Variants in MORC1 observed in about 807,000 individuals in gnomAD.
MORC1 encodes the protein MORC family CW-type zinc finger protein 1.
A neutral mutation model predicts 134.9 loss-of-function variants in MORC1; 59 were observed. The ratio of observed to expected loss-of-function variants is 0.44; its 90% CI spans 0.35 to 0.54. MORC1 has a LOEUF of 0.54. Among genes scored for constraint, MORC1 ranks in the 20% least tolerant of loss-of-function variants. The pLI is 0.00. For synonymous variants in MORC1, 395 were observed against 391.7 expected, an observed-to-expected ratio of 1.01 and a Z score of -0.10; for missense variants, 947 against 1,134.5, an observed-to-expected ratio of 0.83 and a Z score of 2.37.
At chr3:108,985,682 C>A (rs2107466792) in intron 22 of MORC1, among the ~76,000 whole-genome samples, 1 of 152,258 alleles carries the variant, frequency 6.6e-6, no homozygotes, top group East Asian at 1.9e-4. Flanking sequence ...AAATAATAGT[C>A]ATTTGAAAAC....
chr3:109,106,682 A>T (rs1348662992), intron 3 of MORC1, among the ~76,000 whole-genome samples: 1 of 152,106 alleles, frequency 6.6e-6, no homozygotes, highest in Non-Finnish European at 1.5e-5. Flanking sequence ...TCACACGGGC[A>T]ACCATCTGGT....
chr3:109,054,978 A>G, intron 13 of MORC1, 96 bp from the exon 14 acceptor site: 1 of 1,153,456 alleles, frequency 8.7e-7, no homozygotes, highest in Non-Finnish European at 1.2e-6. Flanking sequence ...TTTTTCAAAA[A>G]TAAATTCATT....
chr3:109,022,033 T>C (rs1258722375), intron 17 of MORC1, among the ~76,000 whole-genome samples: 1 of 152,194 alleles, frequency 6.6e-6, no homozygotes, highest in Non-Finnish European at 1.5e-5. Flanking sequence ...ATTATCCCTC[T>C]TCGAAAAGCA....
At chr3:109,044,140 TAGA>T (rs1185624823) in intron 14 of MORC1, among the ~76,000 whole-genome samples, 11 of 152,184 alleles carry the variant, frequency 7.2e-5, no homozygotes, top group African/African-American at 1.9e-4. Flanking sequence ...TCTCAATTTC[TAGA>T]AGAAGTATCT....
chr3:109,050,651 T>G (rs1380640969), intron 14 of MORC1, among the ~76,000 whole-genome samples: 1 of 152,190 alleles, frequency 6.6e-6, no homozygotes, highest in African/African-American at 2.4e-5. Flanking sequence ...CATGTCTGAT[T>G]TGTTGGTCCT....
At chr3:108,987,207 T>C (rs1186854751) in intron 21 of MORC1, among the ~76,000 whole-genome samples, 1 of 152,212 alleles carries the variant, frequency 6.6e-6, no homozygotes, top group Non-Finnish European at 1.5e-5. Flanking sequence ...TTTCTACTAA[T>C]ATTTGTGCAG....
intron 14 of MORC1, among the ~76,000 whole-genome samples, chr3:109,044,951 A>C (rs1324639966): frequency 6.6e-6 from 1 of 150,932 alleles, no homozygotes; most frequent in Non-Finnish European, 1.5e-5. Context: ...TCTCAAAAAA[A>C]AAAAAAAAAG....
At chr3:108,978,684 G>A (rs375550338) in intron 24 of MORC1, among the ~76,000 whole-genome samples, 10 of 152,160 alleles carry the variant, frequency 6.6e-5, no homozygotes, top group African/African-American at 2.4e-4. Context: ...TGCTTCTACT[G>A]TTTGAGAACT....
In MORC1 at chr3:108,977,978, C is replaced by G. The variant is rs146585207; in HGVS notation, c.2477+1537G>C. Among the ~76,000 whole-genome samples, 781 of 152,170 alleles carry G rather than the reference C, an allele frequency of 5.1e-3. 18 individuals are homozygous for G. Among genetic ancestry groups the G allele is most frequent in the African/African-American group, 0.018 (752 of 41,512 alleles). ...CTGCAAGCTCCGCCTCCCGGGTTCACGCCATTCTCCTGCCTCAGCCTCCCT... is the reference window on the plus strand; with the variant it reads ...CTGCAAGCTCCGCCTCCCGGGTTCAGGCCATTCTCCTGCCTCAGCCTCCCT... On this transcript the variant is annotated intron_variant, in intron 24 of 27. Transcript: ENST00000232603.
chr3:109,068,831 T>A (rs1576705997), intron 9 of MORC1, among the ~76,000 whole-genome samples: 1 of 152,168 alleles, frequency 6.6e-6, no homozygotes, highest in East Asian at 1.9e-4. Flanking sequence ...AAAATGGATA[T>A]TATAATATGT....
intron 26 of MORC1, among the ~76,000 whole-genome samples, chr3:108,968,955 GT>G (rs11369467): frequency 3.1e-4 from 46 of 147,570 alleles, no homozygotes; most frequent in East Asian, 1.2e-3. Flanking sequence ...GAGTACCAGG[GT>G]TTTTTTTTTT....
At chr3:109,051,297 A>T (rs548676237) in intron 14 of MORC1, among the ~76,000 whole-genome samples, 28 of 152,224 alleles carry the variant, frequency 1.8e-4, no homozygotes, top group Non-Finnish European at 4.0e-4. Context: ...ACTTTCAGCA[A>T]ATATTAAGAC....
chr3:109,037,927 G>A (rs1266436090), intron 14 of MORC1, among the ~76,000 whole-genome samples: 1 of 152,138 alleles, frequency 6.6e-6, no homozygotes. Flanking sequence ...CTTTATAGCA[G>A]CATGATTTCT....
intron 14 of MORC1, among the ~76,000 whole-genome samples, chr3:109,040,394 G>GAAAT (rs1949486331): frequency 1.6e-5 from 1 of 63,072 alleles, no homozygotes; most frequent in African/African-American, 5.4e-5. Context: ...AAGAAAGAAA[G>GAAAT]AAAGAAAGAG....
intron 13 of MORC1, among the ~76,000 whole-genome samples, chr3:109,056,329 G>A (rs1203557110): frequency 6.6e-6 from 1 of 152,188 alleles, no homozygotes; most frequent in Admixed American, 6.5e-5. Flanking sequence ...CCGGGTTCAT[G>A]CCATTCTCCT....
intron 17 of MORC1, among the ~76,000 whole-genome samples, chr3:109,012,276 C>T (rs115402576): frequency 0.017 from 2,544 of 152,220 alleles, 70 homozygotes; most frequent in African/African-American, 0.057. Flanking sequence ...GGGTCTATTT[C>T]TAAACTCTCT....
chr3:109,052,119 T>C (rs1015507404), intron 14 of MORC1, among the ~76,000 whole-genome samples: 1 of 152,202 alleles, frequency 6.6e-6, no homozygotes. Context: ...CATGTCATAC[T>C]AGCAGTTAAA....
intron 14 of MORC1, among the ~76,000 whole-genome samples, chr3:109,042,003 G>A (rs1949565490): frequency 6.6e-6 from 1 of 151,860 alleles, no homozygotes; most frequent in Non-Finnish European, 1.5e-5. Flanking sequence ...CATCAAGTAA[G>A]CCATTATACA....
intron 26 of MORC1, among the ~76,000 whole-genome samples, chr3:108,965,856 T>G (rs566857077): frequency 5.3e-5 from 8 of 152,284 alleles, no homozygotes; most frequent in Admixed American, 4.6e-4. Flanking sequence ...TAATACGAGA[T>G]GAGACCAAGA....
Sources: gnomAD v4.1 joint callset for allele counts (sites outside exome capture counted in the v4.1 genomes callset) on GRCh38, gnomAD v4.1.1 for gene constraint, MANE v1.5 for transcripts, NCBI Gene and HGNC (gene_info 2026-07-23, HGNC 2026-07-21) for gene names.